HIVEP1: variants seen among roughly 807,000 people sequenced by gnomAD.
The protein encoded by HIVEP1 is HIVEP zinc finger 1, also known as zinc finger protein 40.
HIVEP1 carries 36 observed loss-of-function variants against 180.0 expected under a neutral mutation model. The observed-to-expected ratio is 0.20, with a 90% CI of 0.15 to 0.26. The LOEUF (loss-of-function observed/expected upper bound fraction) is 0.26. Ranked by LOEUF, HIVEP1 falls within the 10% of genes least tolerant of loss-of-function variation. The pLI, the probability that HIVEP1 is intolerant of heterozygous loss-of-function variation, is 1.00. For synonymous variants in HIVEP1, 1,239 were observed against 1,239.0 expected (o/e 1.00, Z 0.00); for missense variants, 3,143 against 3,268.7 (o/e 0.96, Z 0.94).
intron 6 of HIVEP1, among the ~76,000 whole-genome samples, chr6:12,134,962 A>G (rs750616266): frequency 2.6e-5 from 4 of 152,242 alleles, no homozygotes; most frequent in Admixed American, 2.6e-4. Context: ...TTTCATAGTC[A>G]AGCTTGAAAC....
chr6:12,064,297 C>A (rs982554840), intron 2 of HIVEP1, among the ~76,000 whole-genome samples: 2 of 152,110 alleles, frequency 1.3e-5, no homozygotes, highest in Non-Finnish European at 2.9e-5. Context: ...CAGACTCTTT[C>A]TGTGTTACAA....
chr6:12,203,527 T>C, the HIVEP1 span, among the ~76,000 whole-genome samples: 1 of 152,182 alleles, frequency 6.6e-6, no homozygotes. Context: ...TTCCATGTGA[T>C]AGTTTATTAT....
chr6:12,167,519 A>G (rs1181901642), downstream of HIVEP1, among the ~76,000 whole-genome samples: 1 of 101,864 alleles, frequency 9.8e-6, no homozygotes, highest in African/African-American at 3.6e-5. Context: ...CAAAATATGT[A>G]TTTTGTAATA....
chr6:12,052,645 G>C (rs1770614930), intron 2 of HIVEP1, among the ~76,000 whole-genome samples: 1 of 152,178 alleles, frequency 6.6e-6, no homozygotes, highest in Non-Finnish European at 1.5e-5. Flanking sequence ...GCTGAGACTT[G>C]GAGAGTTGGA....
the HIVEP1 span, among the ~76,000 whole-genome samples, chr6:12,190,581 T>C: frequency 6.6e-6 from 1 of 152,190 alleles, no homozygotes. Context: ...CTTTTGGCTT[T>C]GGTGGTCACC....
chr6:12,199,613 G>A, the HIVEP1 span, among the ~76,000 whole-genome samples: 4 of 151,910 alleles, frequency 2.6e-5, no homozygotes, highest in South Asian at 2.1e-4. Context: ...TGCCCACCTC[G>A]GCCTCCTAAA....
chr6:12,135,169 G>A (rs925510032), intron 6 of HIVEP1, among the ~76,000 whole-genome samples: 1 of 152,262 alleles, frequency 6.6e-6, no homozygotes. Flanking sequence ...GGCCATGTGG[G>A]AAAAACCCTA....
At chr6:12,150,984 C>T (rs1175976900) in intron 7 of HIVEP1, among the ~76,000 whole-genome samples, 1 of 152,156 alleles carries the variant, frequency 6.6e-6, no homozygotes, top group Admixed American at 6.6e-5. Context: ...CTCAGGGAGC[C>T]CCTCCTGCTG....
the HIVEP1 span, among the ~76,000 whole-genome samples, chr6:12,183,248 A>C: frequency 6.6e-6 from 1 of 152,184 alleles, no homozygotes; most frequent in Non-Finnish European, 1.5e-5. Context: ...AGAACAAACA[A>C]GGTAGAACAA....
intron 2 of HIVEP1, among the ~76,000 whole-genome samples, chr6:12,018,435 C>T (rs1016665496): frequency 2.0e-5 from 3 of 152,222 alleles, no homozygotes; most frequent in Non-Finnish European, 4.4e-5. Context: ...CACGGTGTCA[C>T]CTCTCATTAC....
intron 2 of HIVEP1, among the ~76,000 whole-genome samples, chr6:12,051,285 G>A (rs1456766427): frequency 6.6e-6 from 1 of 151,326 alleles, no homozygotes; most frequent in Non-Finnish European, 1.5e-5. Flanking sequence ...TTCTCTGTGT[G>A]GTTATGCTAC....
In HIVEP1 at chr6:12,144,224, C is replaced by T. The variant is rs146585058; in HGVS notation, c.6487+8332C>T. 1.9e-3 allele frequency among the ~76,000 whole-genome samples: 290 copies of T among 152,234 alleles called. 1 individual carries two copies. The highest frequency in any genetic ancestry group is 6.7e-3 in the African/African-American group (280 of 41,538). On this transcript the variant is annotated intron_variant, in intron 7 of 8. Coordinates refer to ENST00000379388, the MANE Select transcript of HIVEP1 (RefSeq NM_002114.4). ...AGAACAGAGGCCTCAGAAATAACAC[C>T]ACACATCTACAACCAGCTGATCTTT...
At chr6:12,179,715 G>A in the HIVEP1 span, among the ~76,000 whole-genome samples, 4 of 152,096 alleles carry the variant, frequency 2.6e-5, no homozygotes, top group African/African-American at 7.2e-5. Context: ...TACAAGTAAT[G>A]TTTTTTTAAA....
At chr6:12,017,452 C>T (rs953601432) in intron 2 of HIVEP1, among the ~76,000 whole-genome samples, 3 of 152,208 alleles carry the variant, frequency 2.0e-5, no homozygotes, top group African/African-American at 7.2e-5. Context: ...GCAGTACAGA[C>T]TCAAAGAGCA....
intron 7 of HIVEP1, among the ~76,000 whole-genome samples, chr6:12,149,424 T>A (rs1759561730): frequency 6.6e-6 from 1 of 152,192 alleles, no homozygotes; most frequent in African/African-American, 2.4e-5. Context: ...TTCTGTAGCA[T>A]AAACATAATC....
At chr6:12,008,640 G>C (rs1361095572), upstream of HIVEP1, 2 of 151,938 alleles carry the variant, frequency 1.3e-5, no homozygotes, top group African/African-American at 2.4e-5. Flanking sequence ...CTATCTTCTC[G>C]GCGGCGCAGA....
At chr6:12,190,541 T>C in the HIVEP1 span, among the ~76,000 whole-genome samples, 1 of 152,198 alleles carries the variant, frequency 6.6e-6, no homozygotes, top group East Asian at 1.9e-4. Flanking sequence ...GTCCCAACTC[T>C]GCATTATCGG....
At chr6:12,051,748 T>G (rs1459066114) in intron 2 of HIVEP1, among the ~76,000 whole-genome samples, 2 of 152,082 alleles carry the variant, frequency 1.3e-5, no homozygotes, top group Non-Finnish European at 2.9e-5. Context: ...TGGGCTGAAG[T>G]TTTTATTTGT....
chr6:12,039,471 G>A (rs932073660), intron 2 of HIVEP1, among the ~76,000 whole-genome samples: 1 of 152,168 alleles, frequency 6.6e-6, no homozygotes, highest in African/African-American at 2.4e-5. Flanking sequence ...CCCTGCCTTA[G>A]GTCTAATGAA....
Sources: gnomAD v4.1 joint callset for allele counts (sites outside exome capture counted in the v4.1 genomes callset) on GRCh38, gnomAD v4.1.1 for gene constraint, MANE v1.5 for transcripts, NCBI Gene and HGNC (gene_info 2026-07-23, HGNC 2026-07-21) for gene names.